WWOX: variants seen among roughly 807,000 people sequenced by gnomAD.
WWOX encodes WW domain containing oxidoreductase.
WWOX carries 69 observed loss-of-function variants against 46.2 expected under a neutral mutation model. That is an observed-to-expected ratio of 1.49 (90% CI 1.23 to 1.82). The LOEUF is 1.82. Ranked by LOEUF, WWOX falls within the 40% of genes most tolerant of loss-of-function variation. The pLI is 0.00. For synonymous variants in WWOX, 359 were observed against 202.6 expected (o/e 1.77, Z -6.56); for missense variants, 919 against 542.6 (o/e 1.69, Z -6.89).
intron 8 of WWOX, among the ~76,000 whole-genome samples, chr16:78,513,280 T>A (rs887376207): frequency 6.6e-6 from 1 of 152,236 alleles, no homozygotes; most frequent in African/African-American, 2.4e-5. Flanking sequence ...AGGCTCTCTT[T>A]TCAGATGTGG....
At chr16:78,917,077 A>T (rs115901330) in intron 8 of WWOX, among the ~76,000 whole-genome samples, 3 of 152,162 alleles carry the variant, frequency 2.0e-5, no homozygotes, top group African/African-American at 7.2e-5. Flanking sequence ...TCCAGATTCA[A>T]TATAGTAGGA....
chr16:78,100,281 A>G, intron 1 of WWOX: 2 of 1,069,814 alleles, frequency 1.9e-6, no homozygotes, highest in Non-Finnish European at 2.3e-6. Context: ...CCAGACCGGT[A>G]TTGCTCAGTC....
chr16:78,265,327 A>G (rs980871706), intron 5 of WWOX, among the ~76,000 whole-genome samples: 10 of 143,086 alleles, frequency 7.0e-5, no homozygotes, highest in Non-Finnish European at 1.6e-4. Context: ...GTATGTTGTT[A>G]TAGCAGCCTG....
intron 8 of WWOX, among the ~76,000 whole-genome samples, chr16:78,574,726 A>G (rs1597290310): frequency 6.6e-6 from 1 of 151,728 alleles, no homozygotes. Flanking sequence ...TGATCTGACT[A>G]ACAATGTGGA....
intron 8 of WWOX, among the ~76,000 whole-genome samples, chr16:79,088,693 A>G (rs532454825): frequency 1.3e-5 from 2 of 152,152 alleles, no homozygotes; most frequent in African/African-American, 2.4e-5. Context: ...TCATTTGTCA[A>G]ATATGTGGTC....
At chr16:78,436,852 A>G (rs137996568) in intron 8 of WWOX, among the ~76,000 whole-genome samples, 117 of 152,336 alleles carry the variant, frequency 7.7e-4, no homozygotes, top group African/African-American at 2.7e-3. Flanking sequence ...CCGTCAGGAT[A>G]ATGCATCAGT....
At chr16:78,492,313 T>C (rs1256664573) in intron 8 of WWOX, among the ~76,000 whole-genome samples, 1 of 152,190 alleles carries the variant, frequency 6.6e-6, no homozygotes, top group Non-Finnish European at 1.5e-5. Context: ...TTTTTTCTTC[T>C]TTTCTATCTG....
chr16:78,763,986 G>A (rs1047624280), intron 8 of WWOX, among the ~76,000 whole-genome samples: 1 of 152,150 alleles, frequency 6.6e-6, no homozygotes, highest in African/African-American at 2.4e-5. Context: ...TTGTGGGCTG[G>A]GATACATGTT....
chr16:78,841,780 A>T (rs2052158010), intron 8 of WWOX, among the ~76,000 whole-genome samples: 1 of 152,120 alleles, frequency 6.6e-6, no homozygotes, highest in Admixed American at 6.5e-5. Context: ...GTTTTCTTTA[A>T]AAAAAATTTA....
At chr16:78,889,066 G>A (rs1382653358) in intron 8 of WWOX, among the ~76,000 whole-genome samples, 1 of 152,036 alleles carries the variant, frequency 6.6e-6, no homozygotes, top group Non-Finnish European at 1.5e-5. Context: ...ACAAGAAGAT[G>A]TCTCTCTTTG....
intron 3 of WWOX, among the ~76,000 whole-genome samples, chr16:78,111,266 G>A (rs1460854579): frequency 6.6e-6 from 1 of 152,158 alleles, no homozygotes; most frequent in Non-Finnish European, 1.5e-5. Flanking sequence ...AAAGAAAGTA[G>A]TTAGAATAAG....
chr16:78,935,513 A>G (rs912733580), intron 8 of WWOX, among the ~76,000 whole-genome samples: 1 of 151,670 alleles, frequency 6.6e-6, no homozygotes, highest in Admixed American at 6.6e-5. Context: ...GGACAAAAAA[A>G]CCAAACACTG....
At chr16:78,449,606 C>T (rs549785566) in intron 8 of WWOX, among the ~76,000 whole-genome samples, 12 of 152,276 alleles carry the variant, frequency 7.9e-5, no homozygotes, top group African/African-American at 1.9e-4. Context: ...TGCATCCTTT[C>T]GTCATCCTTT....
intron 8 of WWOX, among the ~76,000 whole-genome samples, chr16:78,500,327 C>T (rs577520788): frequency 7.9e-4 from 121 of 152,328 alleles, no homozygotes; most frequent in African/African-American, 2.7e-3. Flanking sequence ...TTGAATTATT[C>T]CCGCTGCCAT....
intron 8 of WWOX, among the ~76,000 whole-genome samples, chr16:78,757,691 T>C (rs2049689391): frequency 6.6e-6 from 1 of 151,790 alleles, no homozygotes; most frequent in Non-Finnish European, 1.5e-5. Flanking sequence ...TAAACACATT[T>C]TATTTATATA....
intron 8 of WWOX, among the ~76,000 whole-genome samples, chr16:79,169,392 C>G (rs1281524546): frequency 6.6e-6 from 1 of 152,206 alleles, no homozygotes; most frequent in Non-Finnish European, 1.5e-5. Flanking sequence ...TCTTCATCTG[C>G]AAGTTGGAGG....
At chr16:78,753,856 GTA>G (rs1264626542) in intron 8 of WWOX, among the ~76,000 whole-genome samples, 3 of 59,326 alleles carry the variant, frequency 5.1e-5, no homozygotes, top group African/African-American at 1.8e-4. Context: ...ATATATATAT[GTA>G]TATGTATATG....
chr16:78,629,676 T>G (rs1219692580), intron 8 of WWOX, among the ~76,000 whole-genome samples: 1 of 152,354 alleles, frequency 6.6e-6, no homozygotes, highest in Admixed American at 6.5e-5. Context: ...GGCTCTTGTC[T>G]CTGGCTAGAG....
intron 8 of WWOX, among the ~76,000 whole-genome samples, chr16:78,505,672 C>A (rs1236065153): frequency 6.6e-6 from 1 of 151,976 alleles, no homozygotes; most frequent in African/African-American, 2.4e-5. Flanking sequence ...GCTAGCAACA[C>A]CCTCATTCCC....
Sources: gnomAD v4.1 joint callset for allele counts (sites outside exome capture counted in the v4.1 genomes callset) on GRCh38, gnomAD v4.1.1 for gene constraint, MANE v1.5 for transcripts, NCBI Gene and HGNC (gene_info 2026-07-23, HGNC 2026-07-21) for gene names.